DNAJB1: variants seen among roughly 807,000 people sequenced by gnomAD.
DNAJB1 encodes DnaJ heat shock protein family (Hsp40) member B1.
DNAJB1 carries 14 observed loss-of-function variants against 24.0 expected under a neutral mutation model. That is an observed-to-expected ratio of 0.58 (90% CI 0.39 to 0.91). The LOEUF is 0.91. Among genes scored for constraint, DNAJB1 ranks in the 40% least tolerant of loss-of-function variants. DNAJB1 has a pLI of 0.00. For missense variants in DNAJB1, 517 were observed against 458.1 expected, an observed-to-expected ratio of 1.13 and a Z score of -1.17; for synonymous variants, 262 against 174.4, an observed-to-expected ratio of 1.50 and a Z score of -3.96.
chr19:14,529,789 A>C (rs1453013764), upstream of DNAJB1: 20 of 1,601,824 alleles, frequency 1.2e-5, no homozygotes, highest in Admixed American at 2.7e-4. Flanking sequence ...ACGGGACCCC[A>C]CTTTCTGGTC....
chr19:14,546,922 T>C (rs186874177), intron 1 of DNAJB1, among the ~76,000 whole-genome samples: 3 of 152,302 alleles, frequency 2.0e-5, no homozygotes, highest in Admixed American at 6.5e-5. Context: ...ACTCCTGACC[T>C]CAAGTGATCT....
upstream of DNAJB1, among the ~76,000 whole-genome samples, chr19:14,553,528 C>A (rs2146608007): frequency 6.6e-6 from 1 of 152,254 alleles, no homozygotes; most frequent in East Asian, 1.9e-4. Flanking sequence ...GTATTTCTGG[C>A]CGAGCAGGTG....
At chr19:14,552,109 G>T (rs2073543263), upstream of DNAJB1, among the ~76,000 whole-genome samples, 1 of 149,888 alleles carries the variant, frequency 6.7e-6, no homozygotes, top group African/African-American at 2.5e-5. Context: ...AAAGTGCTGA[G>T]ATTACAGGCA....
intron 2 of DNAJB1, among the ~76,000 whole-genome samples, chr19:14,525,103 G>A (rs962047563): frequency 6.6e-6 from 1 of 151,552 alleles, no homozygotes; most frequent in Non-Finnish European, 1.5e-5. Flanking sequence ...GCATGGTGGT[G>A]CACACCTGTA....
chr19:14,546,256 A>G (rs1439443808), intron 1 of DNAJB1, among the ~76,000 whole-genome samples: 3 of 145,456 alleles, frequency 2.1e-5, no homozygotes, highest in African/African-American at 7.4e-5. Context: ...ACTCAGAAGG[A>G]ATTCTAGATT....
chr19:14,557,556 A>G (rs1263139209), intron 1 of DNAJB1, among the ~76,000 whole-genome samples: 1 of 147,258 alleles, frequency 6.8e-6, no homozygotes, highest in African/African-American at 2.5e-5. Context: ...GGTTCAAGCA[A>G]TTCTCCTGCC....
chr19:14,556,413 A>AAAAACAAAAACAAAAAC (rs1555735954), intron 1 of DNAJB1, among the ~76,000 whole-genome samples: 1 of 86,514 alleles, frequency 1.2e-5, no homozygotes. Context: ...TCTCTCAAAA[A>AAAAACAAAAACAAAAAC]AAAAACAAAA....
intron 1 of DNAJB1, among the ~76,000 whole-genome samples, chr19:14,547,832 G>GTTTTT (rs201720177): frequency 6.7e-6 from 1 of 148,488 alleles, no homozygotes; most frequent in African/African-American, 2.5e-5. Context: ...GGCTACTTTT[G>GTTTTT]TTTTTTTTTG....
intron 1 of DNAJB1, among the ~76,000 whole-genome samples, chr19:14,547,057 A>G (rs988158627): frequency 4.6e-5 from 7 of 152,204 alleles, no homozygotes; most frequent in African/African-American, 1.2e-4. Flanking sequence ...TCAGTCATAA[A>G]CATGTATTAT....
At chr19:14,545,052 C>T (rs2073252271) in intron 1 of DNAJB1, 14 of 456,226 alleles carry the variant, frequency 3.1e-5, no homozygotes, top group Non-Finnish European at 5.7e-5. Flanking sequence ...TGAGTTGTTT[C>T]TAAGCCTCTC....
chr19:14,556,471 T>C (rs1387996322), intron 1 of DNAJB1, among the ~76,000 whole-genome samples: 1 of 151,442 alleles, frequency 6.6e-6, no homozygotes, highest in Non-Finnish European at 1.5e-5. Context: ...CTAGTTTTGT[T>C]CACAACTCTT....
At chr19:14,520,799 A>G (rs889904029), upstream of DNAJB1, among the ~76,000 whole-genome samples, 3 of 152,204 alleles carry the variant, frequency 2.0e-5, no homozygotes, top group Non-Finnish European at 4.4e-5. Context: ...AGCCTGGGCA[A>G]CATAGTGAGA....
intron 2 of DNAJB1, among the ~76,000 whole-genome samples, chr19:14,524,641 T>G (rs2072398157): frequency 6.9e-6 from 1 of 145,184 alleles, no homozygotes; most frequent in African/African-American, 2.6e-5. Context: ...AAGTCAGGAG[T>G]TCGAGACCAG....
intron 1 of DNAJB1, among the ~76,000 whole-genome samples, chr19:14,559,441 G>C (rs1047599634): frequency 6.6e-6 from 1 of 151,994 alleles, no homozygotes; most frequent in Non-Finnish European, 1.5e-5. Context: ...GTTTCCTAGC[G>C]TAACTTATTT....
At chr19:14,535,756 C>CA (rs1161257175) in intron 1 of DNAJB1, among the ~76,000 whole-genome samples, 12,639 of 51,692 alleles carry the variant, frequency 0.24, 1,855 homozygotes, top group African/African-American at 0.4. Context: ...GACTCTGTCT[C>CA]AAAAAAAAAA....
rs2072392240 is a variant in DNAJB1 at position 14,524,147 on chromosome 19, C to T, written c.-90+3579G>A. On this transcript the variant is annotated intron_variant, in intron 2 of 3. Transcript: ENST00000396969. ...CTGAGTGCTTACAGTAGACACTCAGCTTGTGTATAATGTGACTCAGATGAT... is the reference window on the plus strand; with the variant it reads ...CTGAGTGCTTACAGTAGACACTCAGTTTGTGTATAATGTGACTCAGATGAT... Among the ~76,000 whole-genome samples, 3 of 152,238 alleles carry T rather than the reference C, an allele frequency of 2.0e-5. No homozygotes were observed. The South Asian group carries it at 6.2e-4, about 32-fold the overall frequency.
intron 1 of DNAJB1, among the ~76,000 whole-genome samples, chr19:14,558,681 G>T (rs1599486520): frequency 6.6e-6 from 1 of 152,050 alleles, no homozygotes; most frequent in Non-Finnish European, 1.5e-5. Context: ...CCCCTTGCCC[G>T]TGGCCAGTGC....
At chr19:14,517,351 T>C in intron 1 of DNAJB1, 2 of 338,108 alleles carry the variant, frequency 5.9e-6, no homozygotes, top group Non-Finnish European at 1.1e-5. Context: ...CACCAAGAGA[T>C]GGCTAAAGAC....
upstream of DNAJB1, chr19:14,529,786 C>T: frequency 6.2e-7 from 1 of 1,604,670 alleles, no homozygotes; most frequent in Non-Finnish European, 8.5e-7. Flanking sequence ...ACCACGGGAC[C>T]CCACTTTCTG....
Sources: gnomAD v4.1 joint callset for allele counts (sites outside exome capture counted in the v4.1 genomes callset) on GRCh38, gnomAD v4.1.1 for gene constraint, MANE v1.5 for transcripts, NCBI Gene and HGNC (gene_info 2026-07-23, HGNC 2026-07-21) for gene names.